The following ZPBP variants were observed in gnomAD, a reference collection of about 807,000 sequenced individuals.
ZPBP encodes the protein zona pellucida binding protein.
ZPBP carries 26 observed loss-of-function variants against 44.8 expected under a neutral mutation model. The observed-to-expected ratio is 0.58, with a 90% CI of 0.43 to 0.81. The LOEUF is 0.81. Among genes scored for constraint, ZPBP ranks in the 30% least tolerant of loss-of-function variants. The probability of loss-of-function intolerance (pLI) is 0.00; values close to 1 mark genes in which losing one functional copy is unlikely to be tolerated. For synonymous variants in ZPBP, 174 were observed against 153.2 expected (o/e 1.14, Z -1.00); for missense variants, 409 against 434.0 (o/e 0.94, Z 0.51).
At chr7:49,974,452 A>G (rs995647415) in intron 7 of ZPBP, among the ~76,000 whole-genome samples, 12 of 152,194 alleles carry the variant, frequency 7.9e-5, no homozygotes, top group African/African-American at 2.9e-4. Flanking sequence ...TTGCATGAGT[A>G]CAAATTTTAC....
intron 2 of ZPBP, among the ~76,000 whole-genome samples, chr7:49,887,122 G>T (rs1277845218): frequency 6.6e-6 from 1 of 152,110 alleles, no homozygotes; most frequent in East Asian, 1.9e-4. Context: ...ATCGACAAGG[G>T]TTTGTATATT....
At chr7:50,007,328 G>A (rs1263859242) in intron 6 of ZPBP, among the ~76,000 whole-genome samples, 1 of 151,924 alleles carries the variant, frequency 6.6e-6, no homozygotes, top group Admixed American at 6.6e-5. Context: ...AACCTACAAA[G>A]CCTGCATCAT....
At chr7:50,033,934 C>T (rs1416116389) in intron 4 of ZPBP, among the ~76,000 whole-genome samples, 1 of 151,980 alleles carries the variant, frequency 6.6e-6, no homozygotes, top group Non-Finnish European at 1.5e-5. Flanking sequence ...CTCAGGTGAT[C>T]CACTTGCCTC....
At chr7:49,999,222 A>G (rs1354352931) in intron 6 of ZPBP, among the ~76,000 whole-genome samples, 1 of 150,256 alleles carries the variant, frequency 6.7e-6, no homozygotes, top group African/African-American at 2.5e-5. Context: ...ATATATATAT[A>G]TATATGCATG....
chr7:50,038,293 C>T (rs998979760), intron 4 of ZPBP, among the ~76,000 whole-genome samples: 8 of 152,138 alleles, frequency 5.3e-5, no homozygotes, highest in African/African-American at 1.7e-4. Flanking sequence ...GTTTCACTTG[C>T]GTGTAAGTGT....
intron 3 of ZPBP, among the ~76,000 whole-genome samples, chr7:50,063,281 A>G (rs1801338670): frequency 6.6e-6 from 1 of 152,154 alleles, no homozygotes; most frequent in Non-Finnish European, 1.5e-5. Flanking sequence ...CTTATATACA[A>G]CTGAGTTTCT....
chr7:49,957,192 C>A (rs1208879514), intron 7 of ZPBP, among the ~76,000 whole-genome samples: 4 of 152,188 alleles, frequency 2.6e-5, no homozygotes, highest in Non-Finnish European at 5.9e-5. Flanking sequence ...CTGGACTTTC[C>A]ATGCTCCAGA....
At chr7:49,956,030 C>CGGAT (rs1562799283) in intron 7 of ZPBP, among the ~76,000 whole-genome samples, 1 of 152,124 alleles carries the variant, frequency 6.6e-6, no homozygotes, top group Non-Finnish European at 1.5e-5. Flanking sequence ...AATATCCAGC[C>CGGAT]ATCCTATTGA....
intron 3 of ZPBP, among the ~76,000 whole-genome samples, chr7:50,058,747 G>A (rs969082539): frequency 6.6e-6 from 1 of 152,148 alleles, no homozygotes; most frequent in Non-Finnish European, 1.5e-5. Flanking sequence ...CAGTTGCAGT[G>A]CTGGGGGTTA....
chr7:49,894,556 T>C (rs1792287129), intron 2 of ZPBP, among the ~76,000 whole-genome samples: 1 of 152,264 alleles, frequency 6.6e-6, no homozygotes, highest in Non-Finnish European at 1.5e-5. Context: ...ATTCATTATT[T>C]AATTTGAAGA....
chr7:50,088,737 A>T (rs1480300586), intron 2 of ZPBP, among the ~76,000 whole-genome samples: 1 of 151,992 alleles, frequency 6.6e-6, no homozygotes, highest in Non-Finnish European at 1.5e-5. Context: ...GGATAGCTAT[A>T]AAAAAAGAAG....
At chr7:49,877,884 T>C (rs1290482081) in intron 2 of ZPBP, among the ~76,000 whole-genome samples, 2 of 152,122 alleles carry the variant, frequency 1.3e-5, no homozygotes, top group Non-Finnish European at 2.9e-5. Flanking sequence ...ATCATCTTCC[T>C]GACCTTGCAT....
intron 2 of ZPBP, among the ~76,000 whole-genome samples, chr7:50,084,391 C>CA (rs1194147599): frequency 8.1e-5 from 12 of 148,602 alleles, no homozygotes; most frequent in Non-Finnish European, 1.5e-4. Flanking sequence ...TTACATACAC[C>CA]AAAAAAACAG....
At chr7:50,005,294 A>G (rs1034216954) in intron 6 of ZPBP, among the ~76,000 whole-genome samples, 2 of 152,088 alleles carry the variant, frequency 1.3e-5, no homozygotes, top group Non-Finnish European at 2.9e-5. Flanking sequence ...GTCTCTAGAG[A>G]ATAAATCAAA....
intron 1 of ZPBP, chr7:49,912,268 T>A: frequency 2.8e-6 from 4 of 1,418,934 alleles, no homozygotes; most frequent in Non-Finnish European, 3.8e-6. Flanking sequence ...GAACTATCAG[T>A]CAAAGAAGAC....
intron 5 of ZPBP, among the ~76,000 whole-genome samples, chr7:50,026,423 G>T (rs1230184049): frequency 6.6e-6 from 1 of 151,710 alleles, no homozygotes; most frequent in African/African-American, 2.4e-5. Flanking sequence ...AACAACACTA[G>T]ATCTATACAA....
chr7:49,860,614 G>T (rs1301835743), intron 2 of ZPBP, among the ~76,000 whole-genome samples: 2 of 152,190 alleles, frequency 1.3e-5, no homozygotes, highest in African/African-American at 4.8e-5. Context: ...TTTGGCTATT[G>T]TAATACCTAG....
intron 7 of ZPBP, among the ~76,000 whole-genome samples, chr7:49,970,338 C>G (rs1007961909): frequency 6.6e-6 from 1 of 151,900 alleles, no homozygotes; most frequent in African/African-American, 2.4e-5. Context: ...GATTTCAGTA[C>G]CCCAATTTCA....
chr7:50,057,761 T>C (rs1402354639), intron 4 of ZPBP, among the ~76,000 whole-genome samples: 1 of 152,210 alleles, frequency 6.6e-6, no homozygotes, highest in African/African-American at 2.4e-5. Context: ...AATTTATCTG[T>C]GTGTACATGT....
Sources: gnomAD v4.1 joint callset for allele counts (sites outside exome capture counted in the v4.1 genomes callset) on GRCh38, gnomAD v4.1.1 for gene constraint, MANE v1.5 for transcripts, NCBI Gene and HGNC (gene_info 2026-07-23, HGNC 2026-07-21) for gene names.